GRK5: variants seen among roughly 807,000 people sequenced by gnomAD.
GRK5 encodes the protein g protein-coupled receptor kinase GRK5.
In GRK5, 40 loss-of-function variants were observed where a neutral mutation model predicts 78.4. The observed-to-expected ratio is 0.51, with a 90% confidence interval of 0.40 to 0.66. GRK5 has a LOEUF of 0.66. GRK5 is among the 30% of genes least tolerant of loss of function. The probability of loss-of-function intolerance (pLI) is 0.00; values close to 1 mark genes in which losing one functional copy is unlikely to be tolerated. For synonymous variants in GRK5, 289 were observed against 296.8 expected (o/e 0.97, Z 0.27); for missense variants, 598 against 759.9 (o/e 0.79, Z 2.50).
Position 119,459,410 on chromosome 10 carries a change from A to G in GRK5, c.*4343A>G, listed in dbSNP as rs1853448689. 6.6e-6 allele frequency: 1 copy of G among 152,148 alleles called. No individual in the cohort carries two copies. The highest frequency in any genetic ancestry group is 1.5e-5 in the Non-Finnish European group (1 of 68,002). 9.4% of individuals were successfully genotyped at this position (152,148 alleles called of 1,614,324 possible). A position where few individuals can be genotyped will look rare whatever the true frequency, so the allele number is the denominator to read the frequency against. On this transcript the variant is annotated 3_prime_UTR_variant, in exon 16 of 16. Coordinates refer to ENST00000392870, the MANE Select transcript of GRK5 (RefSeq NM_005308.3). Reference sequence around the variant, plus strand: ...GGCAGAGAAAGACACTTCCCCCCCAAAGTGGAATTTAGATGTCTTTCCCTA... The same window carrying G: ...GGCAGAGAAAGACACTTCCCCCCCAGAGTGGAATTTAGATGTCTTTCCCTA...
intron 1 of GRK5, among the ~76,000 whole-genome samples, chr10:119,260,881 C>T (rs1849371808): frequency 1.3e-5 from 2 of 152,216 alleles, no homozygotes; most frequent in South Asian, 4.2e-4. Flanking sequence ...TCCACAAAAC[C>T]GCCATTGTCA....
In GRK5 at chr10:119,423,172, G is replaced by T; in HGVS notation, c.346G>T (p.Val116Phe). 1 of 1,612,682 alleles carries T rather than the reference G, an allele frequency of 6.2e-7. No individual in the cohort carries two copies. Among genetic ancestry groups the T allele is most frequent in the Non-Finnish European group, 8.5e-7 (1 of 1,178,662 alleles). The change falls in exon 5 of 16, where the codon GTT (valine) becomes TTT (phenylalanine). Residue 116 changes from valine to phenylalanine, a missense_variant. Transcript: ENST00000392870. ...CTTCCCTTCCTTCTTCCAGTCCCCT[G>T]TTTTCATAGCCCAAGTTGGCCAAGA... ...MTKYLTPKSP[V>F]FIAQVGQDLV...
rs759503865 is a variant in GRK5 at position 119,207,979 on chromosome 10, A to G, written c.52+10A>G. 5 of 1,602,570 alleles carry G rather than the reference A, an allele frequency of 3.1e-6. No homozygotes were observed. The highest frequency in any genetic ancestry group is 3.4e-6 in the Non-Finnish European group (4 of 1,175,580). On this transcript the variant is annotated intron_variant, in intron 1 of 15. Coordinates refer to ENST00000392870, the MANE Select transcript of GRK5 (RefSeq NM_005308.3). ...CTGAAAGCCAGGGAAGGTAAGAGGC[A>G]GGGCCGGTACGTGCCCGGCGCGTCC...
intron 1 of GRK5, among the ~76,000 whole-genome samples, chr10:119,319,904 A>G (rs913725200): frequency 6.6e-6 from 1 of 152,096 alleles, no homozygotes; most frequent in Non-Finnish European, 1.5e-5. Context: ...TATTCCTGCA[A>G]GCATTCATGC....
At chr10:119,240,351 C>T (rs1441276437) in intron 1 of GRK5, among the ~76,000 whole-genome samples, 3 of 151,862 alleles carry the variant, frequency 2.0e-5, no homozygotes, top group African/African-American at 7.3e-5. Flanking sequence ...CAGGCGCCTG[C>T]TACCATGCCC....
rs1383020473 is a variant in GRK5, at chr10:119,430,834, C to T, written c.597+396C>T. Among the ~76,000 whole-genome samples, 1 of 152,206 alleles carries T rather than the reference C, an allele frequency of 6.6e-6. No homozygotes were observed. The highest frequency in any genetic ancestry group is 2.4e-5 in the African/African-American group (1 of 41,440). On this transcript the variant is annotated intron_variant, in intron 7 of 15. Coordinates refer to ENST00000392870, the MANE Select transcript of GRK5 (RefSeq NM_005308.3). This position sits in a 1 kb window ranked among gnomAD's most constrained non-coding sequence, Gnocchi z 4.5. ...GAGATTTCGTTGTACATTACCCGAT[C>T]TTCCCAGCATGTGAGGCAAGCCTTG... is the stretch of plus-strand genomic sequence containing the variant.
At chr10:119,237,825 A>G (rs1211675762) in intron 1 of GRK5, among the ~76,000 whole-genome samples, 2 of 152,166 alleles carry the variant, frequency 1.3e-5, no homozygotes, top group African/African-American at 4.8e-5. Flanking sequence ...TGCGCTGGGA[A>G]ATGCCCAAGT....
In GRK5 at chr10:119,442,061, G is replaced by C. The variant is rs769875126; in HGVS notation, c.1030G>C (p.Gly344Arg). 1.2e-6 allele frequency: 2 copies of C among 1,613,840 alleles called. No individual in the cohort carries two copies. The highest frequency in any genetic ancestry group is 1.7e-6 in the Non-Finnish European group (2 of 1,179,924). ...GATCCCCGAGGGAGACCTGATCCGC[G>C]GCCGGGTGGGCACTGTTGGCTACAT... is the stretch of plus-strand genomic sequence containing the variant. ...VKIPEGDLIR[G>R]RVGTVGYMAP... Residue 344 changes from glycine to arginine, a missense_variant, in exon 11 of 16, where the codon GGC (glycine) becomes CGC (arginine). By Grantham distance (125) the Gly-to-Arg change is moderately radical. Coordinates refer to ENST00000392870, the MANE Select transcript of GRK5 (RefSeq NM_005308.3).
chr10:119,245,945 G>A (rs1291302245), intron 1 of GRK5, among the ~76,000 whole-genome samples: 1 of 149,698 alleles, frequency 6.7e-6, no homozygotes, highest in Non-Finnish European at 1.5e-5. Flanking sequence ...GCGTGAACCC[G>A]GGAGGCAGAG....
chr10:119,404,408 T>C (rs771677768), intron 4 of GRK5, among the ~76,000 whole-genome samples: 18 of 152,248 alleles, frequency 1.2e-4, no homozygotes, highest in Non-Finnish European at 5.9e-5. Context: ...ATGTTCAGGA[T>C]ACAAGGTCCT....
intron 2 of GRK5, among the ~76,000 whole-genome samples, chr10:119,343,471 A>G (rs1851018674): frequency 6.6e-6 from 1 of 152,120 alleles, no homozygotes; most frequent in South Asian, 2.1e-4. Context: ...AGACTCAGAG[A>G]GGTTGGTAAG....
At chr10:119,304,874 T>C (rs1249491144) in intron 1 of GRK5, among the ~76,000 whole-genome samples, 1 of 151,960 alleles carries the variant, frequency 6.6e-6, no homozygotes, top group African/African-American at 2.4e-5. Context: ...TAATGAGAGG[T>C]GTTTGGGCAA....
chr10:119,221,892 G>A (rs1046765099), intron 1 of GRK5, among the ~76,000 whole-genome samples: 1 of 152,112 alleles, frequency 6.6e-6, no homozygotes. Context: ...TCTTTTCTAT[G>A]GTATTCAAAG....
chr10:119,263,886 C>A (rs1280040176), intron 1 of GRK5, among the ~76,000 whole-genome samples: 2 of 152,158 alleles, frequency 1.3e-5, no homozygotes. Context: ...TGAGATCGTG[C>A]CACTGCACTC....
intron 2 of GRK5, chr10:119,335,993 A>G (rs538448887): frequency 6.6e-6 from 1 of 152,460 alleles, no homozygotes; most frequent in Non-Finnish European, 1.5e-5. Flanking sequence ...CGTCATTGTC[A>G]TCGTCATCCT....
intron 1 of GRK5, among the ~76,000 whole-genome samples, chr10:119,219,194 C>T (rs1344296013): frequency 6.6e-6 from 1 of 151,990 alleles, no homozygotes; most frequent in Non-Finnish European, 1.5e-5. Context: ...GGCCCAATAT[C>T]TGAAACTTTT....
intron 13 of GRK5, among the ~76,000 whole-genome samples, chr10:119,450,823 G>T (rs529092814): frequency 6.2e-4 from 95 of 152,222 alleles, no homozygotes; most frequent in African/African-American, 2.2e-3. Context: ...GTGGCCCAGG[G>T]CCTCTGTTCC....
rs561438876 is a variant in GRK5 at position 119,428,688 on chromosome 10, A to C, written c.534-1687A>C. Among the ~76,000 whole-genome samples, 5 of 152,250 alleles carry C rather than the reference A, an allele frequency of 3.3e-5. No homozygotes were observed. The East Asian group carries it at 7.7e-4, about 24-fold the overall frequency. ...CCTTTTTCTTATCTGCACCAAACAC[A>C]TGAAATGGAGAAATTATCCTTTTTA... On this transcript the variant is annotated intron_variant, in intron 6 of 15. Transcript: ENST00000392870.
At chr10:119,391,327 A>G (rs1018592487) in intron 3 of GRK5, among the ~76,000 whole-genome samples, 3 of 151,904 alleles carry the variant, frequency 2.0e-5, no homozygotes, top group Admixed American at 1.3e-4. Flanking sequence ...CCCATCATGC[A>G]CTGCTCGCCA....
Sources: gnomAD v4.1 joint callset for allele counts (sites outside exome capture counted in the v4.1 genomes callset) on GRCh38, gnomAD v4.1.1 for gene constraint, Gnocchi (gnomAD v3.1) non-coding constraint, MANE v1.5 for transcripts, NCBI Gene and HGNC (gene_info 2026-07-23, HGNC 2026-07-21) for gene names.